CAMK1D: variants seen among roughly 807,000 people sequenced by gnomAD.
CAMK1D encodes calcium/calmodulin-dependent protein kinase type 1D.
CAMK1D carries 9 observed loss-of-function variants against 47.7 expected under a neutral mutation model. That is an observed-to-expected ratio of 0.19 (90% CI 0.11 to 0.33). The LOEUF (loss-of-function observed/expected upper bound fraction) is 0.33. Ranked by LOEUF, CAMK1D falls within the 10% of genes least tolerant of loss-of-function variation. The pLI is 1.00. For missense variants in CAMK1D, 291 were observed against 488.7 expected, an observed-to-expected ratio of 0.60 and a Z score of 3.81; for synonymous variants, 184 against 184.9, an observed-to-expected ratio of 0.99 and a Z score of 0.04.
intron 1 of CAMK1D, among the ~76,000 whole-genome samples, chr10:12,361,658 T>C (rs1262843617): frequency 1.4e-5 from 2 of 147,326 alleles, no homozygotes; most frequent in Non-Finnish European, 3.0e-5. Flanking sequence ...TGGGTTCAAG[T>C]GATTCTCCTG....
Position 12,833,751 on chromosome 10 carries a change from A to G in CAMK1D, c.*4864A>G, listed in dbSNP as rs1271664754. 1 of 152,176 alleles carries G rather than the reference A, an allele frequency of 6.6e-6. No individual in the cohort carries two copies. Among genetic ancestry groups the G allele is most frequent in the East Asian group, 1.9e-4 (1 of 5,192 alleles). 9.4% of individuals were successfully genotyped at this position (152,176 alleles called of 1,614,324 possible). On this transcript the variant is annotated 3_prime_UTR_variant, in exon 11 of 11. Transcript: ENST00000619168. ...AAGATGTCCTCTTTCCCAGGTTTGC[A>G]CAATCACTTCTGGCAAATTAATTGA... is the stretch of plus-strand genomic sequence containing the variant.
At chr10:12,777,363 C>CTTTT (rs869192068) in intron 5 of CAMK1D, among the ~76,000 whole-genome samples, 6 of 88,524 alleles carry the variant, frequency 6.8e-5, no homozygotes, top group African/African-American at 8.6e-5. Flanking sequence ...TTTGGTTGAA[C>CTTTT]TTTTTTTTTT....
rs1833474094 is a variant in CAMK1D, at chr10:12,834,525, G to A, written c.*5638G>A. On this transcript the variant is annotated 3_prime_UTR_variant, in exon 11 of 11. Coordinates refer to ENST00000619168, the MANE Select transcript of CAMK1D (RefSeq NM_153498.4). ...ACTGTGGAATGGCTTCTCGGTGTCT[G>A]TATAAAGGGACAAACGGTTGCATTC... 6.6e-6 allele frequency: 1 copy of A among 152,170 alleles called. No homozygotes were observed. Among genetic ancestry groups the A allele is most frequent in the African/African-American group, 2.4e-5 (1 of 41,434 alleles). 9.4% of individuals were successfully genotyped at this position (152,170 alleles called of 1,614,324 possible).
chr10:12,516,429 A>G (rs1249311924), intron 1 of CAMK1D, among the ~76,000 whole-genome samples: 1 of 152,192 alleles, frequency 6.6e-6, no homozygotes. Context: ...GATTTTGAAT[A>G]TAGCTGTTAC....
intron 1 of CAMK1D, among the ~76,000 whole-genome samples, chr10:12,448,535 G>C (rs1832988963): frequency 6.6e-6 from 1 of 152,154 alleles, no homozygotes; most frequent in Admixed American, 6.6e-5. Flanking sequence ...GAGCCGTGTG[G>C]ATTCTTGCCT....
At chr10:12,807,533 C>A (rs60596487) in intron 6 of CAMK1D, among the ~76,000 whole-genome samples, 25,584 of 152,028 alleles carry the variant, frequency 0.17, 4,011 homozygotes, top group African/African-American at 0.42. Context: ...CCTCTCTCCT[C>A]CTCACCCTGC....
chr10:12,411,105 CA>C (rs1839641364), intron 1 of CAMK1D, among the ~76,000 whole-genome samples: 1 of 152,176 alleles, frequency 6.6e-6, no homozygotes, highest in African/African-American at 2.4e-5. Context: ...CATCGGCTCC[CA>C]TCACATCAAC....
intron 1 of CAMK1D, among the ~76,000 whole-genome samples, chr10:12,486,222 G>A (rs531803125): frequency 6.6e-6 from 1 of 150,574 alleles, no homozygotes; most frequent in South Asian, 2.1e-4. Context: ...ACAGTGGCAC[G>A]ATCCCAGCTC....
intron 2 of CAMK1D, among the ~76,000 whole-genome samples, chr10:12,602,135 C>A (rs10795967): frequency 0.81 from 123,739 of 151,948 alleles, 50,945 homozygotes; most frequent in Non-Finnish European, 0.89. Flanking sequence ...ACCACTGCTG[C>A]GTCTATCTGA....
intron 2 of CAMK1D, among the ~76,000 whole-genome samples, chr10:12,648,686 G>A (rs879827303): frequency 7.2e-5 from 11 of 152,068 alleles, no homozygotes; most frequent in Non-Finnish European, 1.2e-4. Flanking sequence ...GGCCAGGCTG[G>A]TCTTGAACTC....
chr10:12,655,132 G>A (rs757707600), intron 2 of CAMK1D, among the ~76,000 whole-genome samples: 1 of 152,158 alleles, frequency 6.6e-6, no homozygotes, highest in Non-Finnish European at 1.5e-5. Flanking sequence ...TCACAGTTCT[G>A]CAGGCTGTAC....
chr10:12,833,355 T>G lies in CAMK1D; in HGVS notation c.*4468T>G, dbSNP rs1833450796. On this transcript the variant is annotated 3_prime_UTR_variant, in exon 11 of 11. Coordinates refer to ENST00000619168, the MANE Select transcript of CAMK1D (RefSeq NM_153498.4). ...TGATCCCCTTTGGAAAGTGGATTGA[T>G]CCTCTCCCCTGTGGAATGACAGCTT... 2 of 152,268 alleles carry G rather than the reference T, an allele frequency of 1.3e-5. No individual in the cohort carries two copies. Among genetic ancestry groups the G allele is most frequent in the Admixed American group, 6.5e-5 (1 of 15,286 alleles). The allele number at this position is 152,268 out of a possible 1,614,324, so 9.4% of individuals were successfully genotyped here. A position where few individuals can be genotyped will look rare whatever the true frequency, so the allele number is the denominator to read the frequency against.
At chr10:12,367,960 A>G (rs368098821) in intron 1 of CAMK1D, among the ~76,000 whole-genome samples, 7 of 152,278 alleles carry the variant, frequency 4.6e-5, no homozygotes, top group South Asian at 4.1e-4. Context: ...TGGGAGGCCG[A>G]GGCGGGTGGA....
chr10:12,441,050 A>G (rs932987456), intron 1 of CAMK1D, among the ~76,000 whole-genome samples: 1 of 152,216 alleles, frequency 6.6e-6, no homozygotes, highest in East Asian at 1.9e-4. Flanking sequence ...AGCCCTTGCT[A>G]AGTTTCTCCT....
intron 1 of CAMK1D, among the ~76,000 whole-genome samples, chr10:12,498,385 A>G (rs1834604198): frequency 6.6e-6 from 1 of 152,246 alleles, no homozygotes; most frequent in Non-Finnish European, 1.5e-5. Context: ...ATCTGGCACC[A>G]GGAGAACAAG....
At chr10:12,569,125 T>C in intron 2 of CAMK1D, among the ~76,000 whole-genome samples, 1 of 152,212 alleles carries the variant, frequency 6.6e-6, no homozygotes, top group East Asian at 1.9e-4. Flanking sequence ...TACATGGCAA[T>C]GAAACTTTTC....
chr10:12,666,954 G>C, intron 3 of CAMK1D, 144 bp downstream of exon 3: 1 of 665,496 alleles, frequency 1.5e-6, no homozygotes, highest in Non-Finnish European at 2.6e-6. Context: ...AGAGAGGCCT[G>C]TATCCAACTA....
At chr10:12,702,028 C>T (rs1833538441) in intron 3 of CAMK1D, among the ~76,000 whole-genome samples, 1 of 152,218 alleles carries the variant, frequency 6.6e-6, no homozygotes, top group Admixed American at 6.5e-5. Context: ...CATCACTTCT[C>T]CCCACATTCC....
At chr10:12,352,916 T>A (rs1438132955) in intron 1 of CAMK1D, among the ~76,000 whole-genome samples, 1 of 151,962 alleles carries the variant, frequency 6.6e-6, no homozygotes, top group Admixed American at 6.5e-5. Context: ...TTTTTGTATT[T>A]TTAGTAGAGA....
Sources: gnomAD v4.1 joint callset for allele counts (sites outside exome capture counted in the v4.1 genomes callset) on GRCh38, gnomAD v4.1.1 for gene constraint, MANE v1.5 for transcripts, NCBI Gene and HGNC (gene_info 2026-07-23, HGNC 2026-07-21) for gene names.